ADGRG6: variants seen among roughly 807,000 people sequenced by gnomAD.
ADGRG6 encodes the protein adhesion G protein-coupled receptor G6.
Under a neutral mutation model 142.4 loss-of-function variants are expected in ADGRG6, and 84 were observed. The observed-to-expected ratio is 0.59, with a 90% CI of 0.49 to 0.71. The LOEUF (loss-of-function observed/expected upper bound fraction) is 0.71. Among genes scored for constraint, ADGRG6 ranks in the 30% least tolerant of loss-of-function variants. The pLI is 0.00. For missense variants in ADGRG6, 1,367 were observed against 1,466.6 expected (o/e 0.93, Z 1.11); for synonymous variants, 521 against 520.5 (o/e 1.00, Z -0.01).
intron 2 of ADGRG6, among the ~76,000 whole-genome samples, chr6:142,349,387 C>A (rs1026137707): frequency 6.6e-5 from 10 of 152,176 alleles, no homozygotes; most frequent in African/African-American, 2.4e-4. Flanking sequence ...CTGCAGGCCC[C>A]CATGTAGCTG....
Position 142,402,829 on chromosome 6 carries a change from GAGTA to G in ADGRG6, c.1955+4_1955+7del, listed in dbSNP as rs1775596952. On this transcript the variant is annotated splice_donor_variant and splice_donor_region_variant and coding_sequence_variant and intron_variant, in exon 13 of 25. Coordinates refer to ENST00000367609, the MANE Select transcript of ADGRG6 (RefSeq NM_198569.3). LOFTEE classifies it high-confidence loss of function. ...CAGTGACTTGCTTGAGTCATCTTCT[GAGTA>G]AGTATTTTTTTTTTCCTGGAGAGTA... 5 of 1,525,150 alleles carry G rather than the reference GAGTA, an allele frequency of 3.3e-6. No individual in the cohort carries two copies. Among genetic ancestry groups the G allele is most frequent in the East Asian group, 2.3e-5 (1 of 43,750 alleles). The allele number at this position is 1,525,150 out of a possible 1,614,324, so 94.5% of individuals were successfully genotyped here.
chr6:142,411,622 C>A (rs986941848), intron 18 of ADGRG6, among the ~76,000 whole-genome samples: 5 of 151,946 alleles, frequency 3.3e-5, no homozygotes, highest in African/African-American at 1.2e-4. Flanking sequence ...GAACTTTCTC[C>A]CTTTTTTTCC....
intron 2 of ADGRG6, among the ~76,000 whole-genome samples, chr6:142,331,380 G>A (rs888198043): frequency 2.6e-4 from 40 of 152,154 alleles, no homozygotes; most frequent in Middle Eastern, 3.4e-3. Flanking sequence ...TGCAGCCCAT[G>A]GGCTTTGTGT....
Position 142,398,026 on chromosome 6 carries a change from A to G in ADGRG6, c.1567+271A>G, listed in dbSNP as rs189541449. On this transcript the variant is annotated intron_variant, in intron 10 of 24. Coordinates refer to ENST00000367609, the MANE Select transcript of ADGRG6 (RefSeq NM_198569.3). ...CTAACAATATGAACAAAATGCCAGA[A>G]TAATCTTGATCATCACTGTTGTCAA... Among the ~76,000 whole-genome samples, 8 of 152,340 alleles carry G rather than the reference A, an allele frequency of 5.3e-5. No homozygotes were observed. In the East Asian group the frequency reaches 1.5e-3, roughly 29 times the overall value.
intron 3 of ADGRG6, among the ~76,000 whole-genome samples, chr6:142,368,241 T>C (rs1203583932): frequency 6.6e-5 from 10 of 152,208 alleles, no homozygotes; most frequent in Admixed American, 5.9e-4. Context: ...ATTTAAAACA[T>C]CCCTATTTAG....
chr6:142,323,277 G>A (rs1330802436), intron 2 of ADGRG6, among the ~76,000 whole-genome samples: 2 of 151,916 alleles, frequency 1.3e-5, no homozygotes, highest in African/African-American at 4.8e-5. Flanking sequence ...TATCCTTATT[G>A]GATGGATAAT....
At chr6:142,336,373 C>G (rs1240092615) in intron 2 of ADGRG6, among the ~76,000 whole-genome samples, 1 of 152,144 alleles carries the variant, frequency 6.6e-6, no homozygotes, top group African/African-American at 2.4e-5. Flanking sequence ...TCAGAAAGGG[C>G]AAATTCCCTG....
chr6:142,410,201 A>G (rs1776012512), intron 17 of ADGRG6, among the ~76,000 whole-genome samples: 1 of 152,102 alleles, frequency 6.6e-6, no homozygotes. Context: ...AAAATACAGC[A>G]TACAATTTTA....
chr6:142,433,908 A>T (rs993782847), intron 22 of ADGRG6, among the ~76,000 whole-genome samples: 2 of 152,038 alleles, frequency 1.3e-5, no homozygotes, highest in African/African-American at 2.4e-5. Flanking sequence ...CATTAGTTAG[A>T]TGTGGTGGCA....
At chr6:142,411,060 G>A (rs1182868235) in intron 17 of ADGRG6, among the ~76,000 whole-genome samples, 1 of 152,110 alleles carries the variant, frequency 6.6e-6, no homozygotes, top group Non-Finnish European at 1.5e-5. Context: ...TCAAACATTT[G>A]TGGAACTCTC....
At chr6:142,341,118 C>T (rs368820822) in intron 2 of ADGRG6, among the ~76,000 whole-genome samples, 1 of 151,026 alleles carries the variant, frequency 6.6e-6, no homozygotes, top group African/African-American at 2.4e-5. Flanking sequence ...AATTACATAG[C>T]CTAGAGTTGA....
At chr6:142,367,401 A>G (rs1425917679) in intron 2 of ADGRG6, among the ~76,000 whole-genome samples, 168 bp from the exon 3 acceptor site, 1 of 152,082 alleles carries the variant, frequency 6.6e-6, no homozygotes. Context: ...TCTATTGATA[A>G]TTCTTTTTCT....
At chr6:142,397,900 C>T (rs557774624) in intron 10 of ADGRG6, 145 bp downstream of exon 10, 1 of 488,726 alleles carries the variant, frequency 2.0e-6, no homozygotes, top group African/African-American at 2.1e-5. Context: ...AAATGAATGA[C>T]ATAGCAGAAA....
At chr6:142,376,102 A>T (rs965850253) in intron 4 of ADGRG6, among the ~76,000 whole-genome samples, 14 of 152,294 alleles carry the variant, frequency 9.2e-5, no homozygotes, top group Admixed American at 2.0e-4. Context: ...CATTTTTCTC[A>T]TAACAATTTT....
intron 2 of ADGRG6, among the ~76,000 whole-genome samples, chr6:142,349,174 G>A (rs771314571): frequency 1.3e-5 from 2 of 152,196 alleles, no homozygotes; most frequent in Non-Finnish European, 2.9e-5. Flanking sequence ...AGTGCCTCTT[G>A]TTTCAATCAA....
intron 22 of ADGRG6, among the ~76,000 whole-genome samples, chr6:142,422,114 A>G (rs1293400796): frequency 6.6e-6 from 1 of 152,192 alleles, no homozygotes; most frequent in African/African-American, 2.4e-5. Context: ...AGTGAATGCA[A>G]AATGAACTCA....
chr6:142,428,775 C>T (rs961825935), intron 22 of ADGRG6, among the ~76,000 whole-genome samples: 2 of 152,124 alleles, frequency 1.3e-5, no homozygotes, highest in African/African-American at 4.8e-5. Context: ...TCAGTTCCCT[C>T]CGTTGACATT....
chr6:142,343,611 A>G (rs371660419), intron 2 of ADGRG6, among the ~76,000 whole-genome samples: 138 of 152,056 alleles, frequency 9.1e-4, no homozygotes, highest in South Asian at 7.1e-3. Flanking sequence ...TTTAAATTAC[A>G]TATTTTAACA....
intron 22 of ADGRG6, among the ~76,000 whole-genome samples, chr6:142,423,600 G>A (rs1382250307): frequency 1.4e-5 from 2 of 145,526 alleles, no homozygotes; most frequent in African/African-American, 2.5e-5. Flanking sequence ...AAGTCAGGTA[G>A]TGTGATGCCT....
Sources: allele counts gnomAD v4.1 joint callset (sites outside exome capture counted in the v4.1 genomes callset), GRCh38; gene constraint gnomAD v4.1.1; transcripts MANE v1.5; gene names NCBI Gene and HGNC (gene_info 2026-07-23, HGNC 2026-07-21).